Variants in C1orf232 observed in about 807,000 individuals in gnomAD.
C1orf232 encodes the protein chromosome 1 open reading frame 230, also known as uncharacterized protein C1orf232.
Under a neutral mutation model 12.1 loss-of-function variants are expected in C1orf232, and 10 were observed. The observed-to-expected ratio is 0.82, with a 90% confidence interval of 0.51 to 1.40. The LOEUF (loss-of-function observed/expected upper bound fraction) is 1.40. Ranked by LOEUF, C1orf232 falls within the 40% of genes most tolerant of loss-of-function variation. The pLI, the probability that C1orf232 is intolerant of heterozygous loss-of-function variation, is 0.00. For synonymous variants in C1orf232, 36 were observed against 39.8 expected (o/e 0.90, Z 0.36); for missense variants, 88 against 98.4 (o/e 0.89, Z 0.45).
chr1:26,164,132 A>G lies in C1orf232; in HGVS notation c.*29T>C, dbSNP rs2088396852. 5.0e-6 allele frequency: 2 copies of G among 398,080 alleles called. No homozygotes were observed. The highest frequency in any genetic ancestry group is 8.9e-6 in the Non-Finnish European group (2 of 225,806). 24.7% of individuals were successfully genotyped at this position (398,080 alleles called of 1,614,324 possible). A position where few individuals can be genotyped will look rare whatever the true frequency, so the allele number is the denominator to read the frequency against. On this transcript the variant is annotated 3_prime_UTR_variant, in exon 4 of 4. Transcript: ENST00000634842. The surrounding 1 kb of genome is among the most constrained non-coding windows in gnomAD (Gnocchi z 4.2). ...GCCAGGGTTTTTTATCAGGGGTGGGAGCAGCGGGCGCGGGGTTCTGCCAGC... is the reference window on the plus strand; with the variant it reads ...GCCAGGGTTTTTTATCAGGGGTGGGGGCAGCGGGCGCGGGGTTCTGCCAGC...
At position 26,166,023 on chromosome 1, in the gene C1orf232, G is replaced by C. The variant is rs944278039; in HGVS notation, c.168+12C>G. On this transcript the variant is annotated intron_variant, in intron 2 of 3. Transcript: ENST00000634842. ...TGCCCAGGGTTGGGGTGGAAGAAGG[G>C]AGAATACTCACCCGGCGGGCCAGCT... 1 of 1,231,706 alleles carries C rather than the reference G, an allele frequency of 8.1e-7. No individual in the cohort carries two copies. The highest frequency in any genetic ancestry group is 1.0e-6 in the Non-Finnish European group (1 of 987,992). 76.3% of individuals were successfully genotyped at this position (1,231,706 alleles called of 1,614,324 possible). A position where few individuals can be genotyped will look rare whatever the true frequency, so the allele number is the denominator to read the frequency against.
Position 26,166,085 on chromosome 1 carries a change from C to A in C1orf232, c.118G>T (p.Ala40Ser). The part of the protein sequence containing the change: ...ENPALVGSET[A>S]EPTEETFNPM... ...TTGAAGGTCTCCTCGGTCGGTTCTG[C>A]TGTCTCAGACCCCACTAATGCTGGG... is the stretch of plus-strand genomic sequence containing the variant. The change falls in exon 2 of 4, where the codon GCA becomes TCA. Residue 40 changes from alanine (A) to serine (S), a missense_variant. By Grantham distance (99) the Ala-to-Ser change is moderately conservative (BLOSUM62 1). Transcript: ENST00000634842. 1.6e-6 allele frequency: 2 copies of A among 1,231,692 alleles called. No homozygotes were observed. Among genetic ancestry groups the A allele is most frequent in the South Asian group, 8.2e-5 (2 of 24,314 alleles). 76.3% of individuals were successfully genotyped at this position (1,231,692 alleles called of 1,614,324 possible).
chr1:26,165,790 C>T, intron 3 of C1orf232, 36 bp downstream of exon 3: 1 of 1,231,904 alleles, frequency 8.1e-7, no homozygotes, highest in Non-Finnish European at 1.0e-6. Context: ...GACCTCAGGC[C>T]CCTTCCAGAA....
intron 1 of C1orf232, 50 bp from the exon 2 acceptor site, chr1:26,166,168 G>T: frequency 8.3e-7 from 1 of 1,207,084 alleles, no homozygotes; most frequent in Non-Finnish European, 1.0e-6. Context: ...AGAGGAGTGA[G>T]ATCTCCCTCC....
In C1orf232 at chr1:26,164,902, A is replaced by G. The variant is rs563693213; in HGVS notation, c.267-447T>C. Among the ~76,000 whole-genome samples the G allele has an allele frequency of 1.3e-5, 2 of 152,152 alleles. No individual in the cohort carries two copies. Among genetic ancestry groups the G allele is most frequent in the East Asian group, 3.9e-4 (2 of 5,156 alleles). On this transcript the variant is annotated intron_variant, in intron 3 of 3. Transcript: ENST00000634842. This position sits in a 1 kb window ranked among gnomAD's most constrained non-coding sequence, Gnocchi z 4.2. Reference sequence around the variant, plus strand: ...CCTGGGGAAAAGAGGCGGGGCACAGACAGGAATCAGGTTCTGAGATTGAGG... The same window carrying G: ...CCTGGGGAAAAGAGGCGGGGCACAGGCAGGAATCAGGTTCTGAGATTGAGG...
At position 26,164,526 on chromosome 1, in the gene C1orf232, A is replaced by C. The variant is rs2088404151; in HGVS notation, c.267-71T>G. The C allele has an allele frequency of 2.7e-6, 1 of 367,380 alleles. No homozygotes were observed. The highest frequency in any genetic ancestry group is 4.6e-5 in the Admixed American group (1 of 21,572). 22.8% of individuals were successfully genotyped at this position (367,380 alleles called of 1,614,324 possible). A position where few individuals can be genotyped will look rare whatever the true frequency, so the allele number is the denominator to read the frequency against. On this transcript the variant is annotated intron_variant, in intron 3 of 3. Transcript: ENST00000634842. The surrounding 1 kb of genome is among the most constrained non-coding windows in gnomAD (Gnocchi z 4.2). ...GGAGGAACATCGGCTGGGCTGACGG[A>C]GGAGTTTAGTGGGGCCGGGGGAACC...
At chr1:26,165,207 AT>A (rs1394592325) in intron 3 of C1orf232, among the ~76,000 whole-genome samples, 3 of 151,606 alleles carry the variant, frequency 2.0e-5, no homozygotes, top group African/African-American at 4.9e-5. Context: ...TGAGAGGGGG[AT>A]GTGATCAGGA....
intron 1 of C1orf232, among the ~76,000 whole-genome samples, chr1:26,166,518 T>C (rs558695281): frequency 1.0e-4 from 15 of 147,452 alleles, no homozygotes; most frequent in South Asian, 6.3e-4. Flanking sequence ...GGTTTTGCCA[T>C]GTTGGCCAGG....
intron 1 of C1orf232, among the ~76,000 whole-genome samples, chr1:26,167,027 A>G (rs920673320): frequency 9.8e-5 from 15 of 152,340 alleles, no homozygotes; most frequent in Admixed American, 9.8e-4. Flanking sequence ...GATACTGATC[A>G]CACCAGTTAC....
Position 26,165,822 on chromosome 1 carries a change from A to G in C1orf232, c.266+4T>C, listed in dbSNP as rs1032312981. 3.4e-5 allele frequency: 42 copies of G among 1,231,890 alleles called. No homozygotes were observed. The highest frequency in any genetic ancestry group is 3.1e-4 in the Middle Eastern group (1 of 3,206). The allele number at this position is 1,231,890 out of a possible 1,614,324, so 76.3% of individuals were successfully genotyped here. On this transcript the variant is annotated splice_donor_region_variant and intron_variant, in intron 3 of 3. Transcript: ENST00000634842. ...AGAACCACCACAAACACACACGCAC[A>G]TACTGGTCAGCGCAAGGCTCTGATG...
Position 26,164,122 on chromosome 1 carries a change from C to T in C1orf232, c.*39G>A. 1 of 398,108 alleles carries T rather than the reference C, an allele frequency of 2.5e-6. No homozygotes were observed. Among genetic ancestry groups the T allele is most frequent in the Non-Finnish European group, 4.4e-6 (1 of 225,750 alleles). The allele number at this position is 398,108 out of a possible 1,614,324, so 24.7% of individuals were successfully genotyped here. ...AGGCTGTCGGGCCAGGGTTTTTTAT[C>T]AGGGGTGGGAGCAGCGGGCGCGGGG... On this transcript the variant is annotated 3_prime_UTR_variant, in exon 4 of 4. Transcript: ENST00000634842. The surrounding 1 kb of genome is among the most constrained non-coding windows in gnomAD (Gnocchi z 4.2).
chr1:26,167,009 T>G (rs2088434746), intron 1 of C1orf232, among the ~76,000 whole-genome samples: 1 of 152,206 alleles, frequency 6.6e-6, no homozygotes. Flanking sequence ...CACTGGGGAT[T>G]CCACCCAGAT....
intron 1 of C1orf232, among the ~76,000 whole-genome samples, chr1:26,167,051 T>C (rs986522906): frequency 2.6e-5 from 4 of 152,358 alleles, no homozygotes; most frequent in Middle Eastern, 3.4e-3. Flanking sequence ...CTGACATTTC[T>C]GCACAAGCCC....
chr1:26,164,645 G>A lies in C1orf232; in HGVS notation c.267-190C>T, dbSNP rs2088406042. Among the ~76,000 whole-genome samples the A allele has an allele frequency of 6.6e-6, 1 of 152,096 alleles. No individual in the cohort carries two copies. On this transcript the variant is annotated intron_variant, in intron 3 of 3. Transcript: ENST00000634842. The surrounding 1 kb of genome is among the most constrained non-coding windows in gnomAD (Gnocchi z 4.2). ...GGGTCAGGGCCTGGAGGCAAGGGGA[G>A]GGCTCAGAGGCCCTGGGAAAGGGGT... is the stretch of plus-strand genomic sequence containing the variant.
chr1:26,164,331 C>G lies in C1orf232; in HGVS notation c.391G>C (p.Gly131Arg), dbSNP rs951701881. Residue 131 changes from glycine (G) to arginine (R), a missense_variant, in exon 4 of 4, where the codon GGC becomes CGC. By Grantham distance (125) the Gly-to-Arg change is moderately radical. Coordinates refer to ENST00000634842, the MANE Select transcript of C1orf232 (RefSeq NM_001364669.2). The surrounding 1 kb of genome is among the most constrained non-coding windows in gnomAD (Gnocchi z 4.2). ...QQAAAASMLR[G>R]TEPTPEPDPE... ...TCCGGCTCCGGAGTGGGCTCGGTGCCGCGCAGCATGGACGCCGCCGCGGCC... is the reference window on the plus strand; with the variant it reads ...TCCGGCTCCGGAGTGGGCTCGGTGCGGCGCAGCATGGACGCCGCCGCGGCC... 1 of 397,018 alleles carries G rather than the reference C, an allele frequency of 2.5e-6. No homozygotes were observed. The highest frequency in any genetic ancestry group is 2.1e-5 in the African/African-American group (1 of 48,540). The allele number at this position is 397,018 out of a possible 1,614,324, so 24.6% of individuals were successfully genotyped here.
rs2088407000 is a variant in C1orf232, at chr1:26,164,724, G to A, written c.267-269C>T. 6.6e-6 allele frequency among the ~76,000 whole-genome samples: 1 copy of A among 152,074 alleles called. No individual in the cohort carries two copies. Among genetic ancestry groups the A allele is most frequent in the African/African-American group, 2.4e-5 (1 of 41,402 alleles). ...GCGAGGGATGTGGAGGGAGGGGACCGGGATCAGGATCCCTGGGGAGAGAAT... is the reference window on the plus strand; with the variant it reads ...GCGAGGGATGTGGAGGGAGGGGACCAGGATCAGGATCCCTGGGGAGAGAAT... On this transcript the variant is annotated intron_variant, in intron 3 of 3. Transcript: ENST00000634842. The surrounding 1 kb of genome is among the most constrained non-coding windows in gnomAD (Gnocchi z 4.2).
chr1:26,165,480 A>G lies in C1orf232; in HGVS notation c.266+346T>C, dbSNP rs1034750965. On this transcript the variant is annotated intron_variant, in intron 3 of 3. Coordinates refer to ENST00000634842, the MANE Select transcript of C1orf232 (RefSeq NM_001364669.2). ...TCCTTGGAGGGTGAGGGTTTAGGCA[A>G]TATTTGAGAACCTTTGAGTTGGATC... Among the ~76,000 whole-genome samples, 3 of 152,148 alleles carry G rather than the reference A, an allele frequency of 2.0e-5. No individual in the cohort carries two copies. The East Asian group carries it at 5.8e-4, about 29-fold the overall frequency.
In C1orf232 at chr1:26,164,275, C is replaced by A; in HGVS notation, c.447G>T (p.Glu149Asp). The A allele has an allele frequency of 2.5e-6, 1 of 398,316 alleles. No homozygotes were observed. The allele number at this position is 398,316 out of a possible 1,614,324, so 24.7% of individuals were successfully genotyped here. Residue 149 changes from glutamate to aspartate, a missense_variant, in exon 4 of 4, where the codon GAG becomes GAT. Coordinates refer to ENST00000634842, the MANE Select transcript of C1orf232 (RefSeq NM_001364669.2). The surrounding 1 kb of genome is among the most constrained non-coding windows in gnomAD (Gnocchi z 4.2). ...DPEPADEAAE[E>D]AAERPESQEA... is the part of the protein sequence containing the mutation. Reference sequence around the variant, plus strand: ...CCTGCGACTCGGGGCGCTCTGCGGCCTCCTCCGCGGCCTCGTCCGCGGGTT... The same window carrying A: ...CCTGCGACTCGGGGCGCTCTGCGGCATCCTCCGCGGCCTCGTCCGCGGGTT...
At chr1:26,167,774 G>A (rs1185546397) in intron 1 of C1orf232, among the ~76,000 whole-genome samples, 4 of 151,976 alleles carry the variant, frequency 2.6e-5, no homozygotes, top group East Asian at 1.9e-4. Context: ...GGTGCACGCC[G>A]CCATGCCTGG....
Sources: allele counts gnomAD v4.1 joint callset (sites outside exome capture counted in the v4.1 genomes callset), GRCh38; gene constraint gnomAD v4.1.1; non-coding constraint Gnocchi (gnomAD v3.1); transcripts MANE v1.5; gene names NCBI Gene and HGNC (gene_info 2026-07-23, HGNC 2026-07-21).